Variants in DPP4 observed in about 807,000 individuals in gnomAD.
DPP4 encodes the protein dipeptidyl peptidase 4.
Under a neutral mutation model 122.4 loss-of-function variants are expected in DPP4, and 93 were observed. That is an observed-to-expected ratio of 0.76 (90% CI 0.64 to 0.90). The LOEUF is 0.90. Ranked by LOEUF, DPP4 falls within the 40% of genes least tolerant of loss-of-function variation. The pLI is 0.00. For missense variants in DPP4, 914 were observed against 907.3 expected, an observed-to-expected ratio of 1.01 and a Z score of -0.09; for synonymous variants, 321 against 302.9, an observed-to-expected ratio of 1.06 and a Z score of -0.62.
chr2:161,996,163 T>C (rs1432320948), intron 23 of DPP4, among the ~76,000 whole-genome samples: 1 of 152,164 alleles, frequency 6.6e-6, no homozygotes, highest in Admixed American at 6.5e-5. Flanking sequence ...GAGTCTTGGA[T>C]GAAAAAGCCA....
intron 22 of DPP4, 78 bp downstream of exon 22, chr2:162,008,484 T>A: frequency 8.0e-7 from 1 of 1,243,102 alleles, no homozygotes; most frequent in Non-Finnish European, 1.2e-6. Context: ...ACACTGAAAC[T>A]CAGAAAGGAA....
intron 2 of DPP4, among the ~76,000 whole-genome samples, chr2:162,067,213 G>C (rs900271437): frequency 6.6e-6 from 1 of 152,170 alleles, no homozygotes; most frequent in Non-Finnish European, 1.5e-5. Context: ...TGAAACTTAT[G>C]GACATGAGTT....
At position 162,018,729 on chromosome 2, in the gene DPP4, C is replaced by A; in HGVS notation, c.1420G>T (p.Gly474Cys). The A allele has an allele frequency of 1.2e-6, 2 of 1,613,578 alleles. No individual in the cohort carries two copies. Among genetic ancestry groups the A allele is most frequent in the Non-Finnish European group, 1.7e-6 (2 of 1,179,876 alleles). ...TCCCTCCCAGGGAGCTCAGACTTAC[C>A]GGAACATCTCAGCTGATAATACTTC... ...EAKYYQLRCS[G>C]PGLPLYTLHS... Residue 474 changes from glycine (G) to cysteine (C), a missense_variant and splice_region_variant, in exon 16 of 26, where the codon GGT becomes TGT. Coordinates refer to ENST00000360534, the MANE Select transcript of DPP4 (RefSeq NM_001935.4).
intron 4 of DPP4, among the ~76,000 whole-genome samples, chr2:162,045,962 A>C (rs1412369804): frequency 1.3e-5 from 2 of 152,172 alleles, no homozygotes; most frequent in Non-Finnish European, 2.9e-5. Context: ...TGTAACCTGA[A>C]TATAGTTTGT....
At chr2:162,010,595 T>C (rs541613832) in intron 20 of DPP4, among the ~76,000 whole-genome samples, 6 of 152,192 alleles carry the variant, frequency 3.9e-5, no homozygotes, top group Admixed American at 2.0e-4. Context: ...TTAGGACTTT[T>C]GTTGGTCAGA....
intron 10 of DPP4, among the ~76,000 whole-genome samples, chr2:162,029,894 C>A (rs992021587): frequency 1.3e-5 from 2 of 152,152 alleles, no homozygotes; most frequent in Non-Finnish European, 2.9e-5. Flanking sequence ...GTGCTGGCAG[C>A]GTGAACCACT....
chr2:162,053,991 G>C (rs1327095974), intron 2 of DPP4, among the ~76,000 whole-genome samples: 2 of 152,170 alleles, frequency 1.3e-5, no homozygotes, highest in African/African-American at 4.8e-5. Flanking sequence ...CAACCCATGA[G>C]AGCTGCACCA....
At chr2:162,073,317 T>A in intron 2 of DPP4, 82 bp downstream of exon 2, 2 of 1,433,610 alleles carry the variant, frequency 1.4e-6, no homozygotes, top group South Asian at 2.3e-5. Flanking sequence ...CCACGCAAAA[T>A]CCCTCGTTTC....
intron 21 of DPP4, 26 bp from the exon 22 acceptor site, chr2:162,008,687 A>G: frequency 6.3e-7 from 1 of 1,590,764 alleles, no homozygotes; most frequent in Non-Finnish European, 8.6e-7. Flanking sequence ...AGTTATTTTT[A>G]TGGAGGTAAA....
At chr2:162,003,838 A>G (rs961413581) in intron 23 of DPP4, among the ~76,000 whole-genome samples, 4 of 152,254 alleles carry the variant, frequency 2.6e-5, no homozygotes, top group African/African-American at 7.2e-5. Context: ...AATGTTGAAT[A>G]GCTTGTACAC....
chr2:161,995,333 C>A lies in DPP4; in HGVS notation c.2092G>T (p.Val698Phe), dbSNP rs758441966. Residue 698 changes from valine to phenylalanine, a missense_variant, in exon 24 of 26, where the codon GTT becomes TTT. Val to Phe is a conservative substitution (Grantham distance 50). Coordinates refer to ENST00000360534, the MANE Select transcript of DPP4 (RefSeq NM_001935.4). ...VMSRAENFKQVEYLLIHGTAD... is the reference protein window; with the variant it reads ...VMSRAENFKQFEYLLIHGTAD... The stretch of plus-strand genomic sequence containing the variant: ...GTTCCATGAATAAGGAGGTACTCAA[C>A]TTGTTTAAAATTTTCAGCTCTGCTC... The A allele has an allele frequency of 6.2e-7, 1 of 1,614,048 alleles. No homozygotes were observed. Among genetic ancestry groups the A allele is most frequent in the East Asian group, 2.2e-5 (1 of 44,888 alleles).
intron 5 of DPP4, among the ~76,000 whole-genome samples, chr2:162,039,821 G>A (rs1164069930): frequency 6.6e-6 from 1 of 151,548 alleles, no homozygotes; most frequent in African/African-American, 2.4e-5. Context: ...AAATAATAAA[G>A]GTAAAAGCAT....
intron 22 of DPP4, among the ~76,000 whole-genome samples, chr2:162,006,139 T>A (rs1260770090): frequency 1.3e-5 from 2 of 152,126 alleles, no homozygotes; most frequent in East Asian, 3.9e-4. Context: ...TTATCTAAAA[T>A]CCAATCAATA....
At chr2:162,038,837 C>G (rs917339476) in intron 7 of DPP4, 112 bp downstream of exon 7, 1 of 930,506 alleles carries the variant, frequency 1.1e-6, no homozygotes, top group African/African-American at 1.7e-5. Context: ...ACACTATGTT[C>G]TATAGTGAAG....
chr2:162,054,343 A>G (rs959213599), intron 2 of DPP4, among the ~76,000 whole-genome samples: 6 of 152,212 alleles, frequency 3.9e-5, no homozygotes, highest in Admixed American at 3.3e-4. Context: ...TAATTTAGGT[A>G]AAAACTAATT....
chr2:162,005,228 T>C (rs1264115377), intron 23 of DPP4, among the ~76,000 whole-genome samples: 1 of 152,234 alleles, frequency 6.6e-6, no homozygotes, highest in Non-Finnish European at 1.5e-5. Context: ...TGTTGGATGC[T>C]ATTCAGTGAT....
intron 10 of DPP4, among the ~76,000 whole-genome samples, chr2:162,031,010 G>C (rs1403517611): frequency 3.3e-5 from 5 of 152,202 alleles, no homozygotes; most frequent in South Asian, 2.1e-4. Flanking sequence ...CTGTAAGTGG[G>C]AAAGACTTCG....
chr2:162,038,307 T>C lies in DPP4; in HGVS notation c.608A>G (p.Tyr203Cys), dbSNP rs779715531. The stretch of plus-strand genomic sequence containing the variant: ...AAAAGCTTTAAAGTTTCTACCTTCA[T>C]AAACCCAGTCAGTTATTCCATTATA... ...IIYNGITDWVYEEEVFSAYSA... is the reference protein window; with the variant it reads ...IIYNGITDWVCEEEVFSAYSA... The change falls in exon 8 of 26, where the codon TAT becomes TGT. Residue 203 changes from tyrosine to cysteine, a missense_variant. Coordinates refer to ENST00000360534, the MANE Select transcript of DPP4 (RefSeq NM_001935.4). The C allele has an allele frequency of 3.2e-6, 5 of 1,566,986 alleles. No homozygotes were observed. The highest frequency in any genetic ancestry group is 4.3e-6 in the Non-Finnish European group (5 of 1,161,636).
At chr2:162,066,562 G>T (rs1363540428) in intron 2 of DPP4, among the ~76,000 whole-genome samples, 1 of 152,138 alleles carries the variant, frequency 6.6e-6, no homozygotes, top group Non-Finnish European at 1.5e-5. Context: ...CCTGCTCTAT[G>T]AACTGTAAAG....
Sources: allele counts gnomAD v4.1 joint callset (sites outside exome capture counted in the v4.1 genomes callset), GRCh38; gene constraint gnomAD v4.1.1; transcripts MANE v1.5; gene names NCBI Gene and HGNC (gene_info 2026-07-23, HGNC 2026-07-21).